TRPC5: variants seen among roughly 807,000 people sequenced by gnomAD.
TRPC5 encodes the protein transient receptor potential cation channel subfamily C member 5, also known as short transient receptor potential channel 5.
In TRPC5, 9 loss-of-function variants were observed where a neutral mutation model predicts 56.5. That is an observed-to-expected ratio of 0.16 (90% CI 0.10 to 0.28). TRPC5 has a LOEUF of 0.28. Among genes scored for constraint, TRPC5 ranks in the 10% least tolerant of loss-of-function variants. The pLI is 1.00. For synonymous variants in TRPC5, 282 were observed against 278.5 expected (o/e 1.01, Z -0.13); for missense variants, 469 against 748.9 (o/e 0.63, Z 4.36).
intron 2 of TRPC5, among the ~76,000 whole-genome samples, chrX:111,929,643 C>T (rs1450550617): frequency 8.9e-6 from 1 of 112,330 alleles, no homozygotes; most frequent in African/African-American, 3.2e-5. Flanking sequence ...TGCCTCTCTA[C>T]TAAGCCAATT....
At chrX:111,940,734 TGA>T (rs1424775979) in intron 2 of TRPC5, among the ~76,000 whole-genome samples, 5 of 106,850 alleles carry the variant, frequency 4.7e-5, no homozygotes, top group African/African-American at 1.7e-4. Flanking sequence ...TTGTCTGTCA[TGA>T]GGTTATTCTT....
chrX:111,811,463 C>G (rs1488902377), intron 7 of TRPC5, among the ~76,000 whole-genome samples: 4 of 112,629 alleles, frequency 3.6e-5, no homozygotes, highest in African/African-American at 1.3e-4. Context: ...CTATAATAAA[C>G]TCTCACTGTC....
chrX:111,969,358 G>A (rs1418617812), intron 1 of TRPC5, among the ~76,000 whole-genome samples: 2 of 112,078 alleles, frequency 1.8e-5, no homozygotes, highest in Non-Finnish European at 3.8e-5. Context: ...TCACTTTATT[G>A]CAGTGGTCTA....
chrX:111,892,202 A>G (rs1381697446), intron 3 of TRPC5, among the ~76,000 whole-genome samples: 1 of 112,463 alleles, frequency 8.9e-6, no homozygotes, highest in African/African-American at 3.2e-5. Context: ...GACTAAATCC[A>G]TGCTAGGATG....
chrX:111,813,530 T>C (rs759828176), intron 7 of TRPC5, among the ~76,000 whole-genome samples: 1 of 112,777 alleles, frequency 8.9e-6, no homozygotes, highest in Non-Finnish European at 1.9e-5. Flanking sequence ...GCAATCAAAC[T>C]GCAAGGCCAA....
chrX:111,969,092 G>T (rs1304446827), intron 1 of TRPC5, among the ~76,000 whole-genome samples: 1 of 110,149 alleles, frequency 9.1e-6, no homozygotes, highest in African/African-American at 3.3e-5. Context: ...TCAACCTTCA[G>T]CAACCCCCAC....
chrX:111,838,642 G>T (rs995247680), intron 6 of TRPC5, among the ~76,000 whole-genome samples: 6 of 112,065 alleles, frequency 5.4e-5, no homozygotes, highest in African/African-American at 1.9e-4. Flanking sequence ...TATGGAACTT[G>T]CTAGCTCAAG....
At chrX:112,043,102 C>G (rs1421960704) in intron 1 of TRPC5, among the ~76,000 whole-genome samples, 2 of 111,568 alleles carry the variant, frequency 1.8e-5, no homozygotes, top group African/African-American at 6.5e-5. Context: ...TTTAGAAATG[C>G]CACCTCCTCA....
chrX:112,001,990 T>C (rs1219619216), intron 1 of TRPC5, among the ~76,000 whole-genome samples: 1 of 111,854 alleles, frequency 8.9e-6, no homozygotes, highest in Non-Finnish European at 1.9e-5. Flanking sequence ...TGCTACCATC[T>C]GGTCAATAAT....
At chrX:111,898,275 A>ATATG (rs1485429369) in intron 3 of TRPC5, among the ~76,000 whole-genome samples, 1 of 96,763 alleles carries the variant, frequency 1.0e-5, no homozygotes, top group Non-Finnish European at 2.0e-5. Flanking sequence ...ATATATATAT[A>ATATG]TAGACACACA....
intron 7 of TRPC5, among the ~76,000 whole-genome samples, chrX:111,826,910 C>T (rs1922255073): frequency 1.8e-5 from 2 of 111,321 alleles, no homozygotes; most frequent in South Asian, 7.7e-4. Flanking sequence ...GGAGACTGAA[C>T]AGTTCAGAGT....
At chrX:111,830,384 G>A (rs1472001666) in intron 7 of TRPC5, among the ~76,000 whole-genome samples, 1 of 112,090 alleles carries the variant, frequency 8.9e-6, no homozygotes, top group Non-Finnish European at 1.9e-5. Context: ...TTAAGACTTT[G>A]AGGGACTGTT....
At chrX:111,879,282 G>A (rs192197798) in intron 3 of TRPC5, among the ~76,000 whole-genome samples, 81 of 112,200 alleles carry the variant, frequency 7.2e-4, no homozygotes, top group African/African-American at 1.9e-3. Flanking sequence ...GAACTCAGGA[G>A]ACGTTGACTC....
intron 7 of TRPC5, among the ~76,000 whole-genome samples, chrX:111,804,648 CTGTT>C (rs771158237): frequency 3.2e-4 from 36 of 111,301 alleles, no homozygotes; most frequent in African/African-American, 6.5e-4. Flanking sequence ...ATTTGGCTCT[CTGTT>C]TGTCTGTTAT....
intron 7 of TRPC5, among the ~76,000 whole-genome samples, chrX:111,782,806 A>AACACACAC (rs1186498788): frequency 0.028 from 2,564 of 92,054 alleles, 38 homozygotes; most frequent in African/African-American, 0.051. Context: ...CATTATAATC[A>AACACACAC]ACACACACAC....
chrX:111,969,531 T>C (rs1447780335), intron 1 of TRPC5, among the ~76,000 whole-genome samples: 1 of 112,248 alleles, frequency 8.9e-6, no homozygotes, highest in Non-Finnish European at 1.9e-5. Context: ...TTGCTAGCAC[T>C]AAATGAAATT....
chrX:111,856,610 G>GT (rs1208113353), intron 3 of TRPC5, among the ~76,000 whole-genome samples: 1 of 106,664 alleles, frequency 9.4e-6, no homozygotes, highest in Non-Finnish European at 1.9e-5. Flanking sequence ...GAGGTCAGGA[G>GT]TTTGAGGTCA....
At chrX:111,969,645 G>A (rs779386313) in intron 1 of TRPC5, among the ~76,000 whole-genome samples, 34 of 111,773 alleles carry the variant, frequency 3.0e-4, no homozygotes, top group Admixed American at 3.0e-3. Flanking sequence ...GATATAGATA[G>A]ACAGATGTAG....
At position 112,003,513 on chromosome X, in the gene TRPC5, G is replaced by A. The variant is rs779895818; in HGVS notation, c.-21-51072C>T. The stretch of plus-strand genomic sequence containing the variant: ...GAGGTGAGGCTAGAGAGTTTGACTC[G>A]GGTGTTTCTTAATGTGAGTGCCATT... On this transcript the variant is annotated intron_variant, in intron 1 of 10. Transcript: ENST00000262839. Among the ~76,000 whole-genome samples the A allele has an allele frequency of 5.4e-5, 6 of 110,701 alleles. No individual in the cohort carries two copies. In the Admixed American group the frequency reaches 5.8e-4, roughly 11 times the overall value.
Sources: allele counts gnomAD v4.1 joint callset (sites outside exome capture counted in the v4.1 genomes callset), GRCh38; gene constraint gnomAD v4.1.1; transcripts MANE v1.5; gene names NCBI Gene and HGNC (gene_info 2026-07-23, HGNC 2026-07-21).